Variants in JDP2 observed in about 807,000 individuals in gnomAD.
The protein encoded by JDP2 is progesterone receptor co-activator.
JDP2 carries 9 observed loss-of-function variants against 17.1 expected under a neutral mutation model. That is an observed-to-expected ratio of 0.53 (90% confidence interval 0.32 to 0.92). The LOEUF (loss-of-function observed/expected upper bound fraction) is 0.92, where lower values mean the gene tolerates loss of function less well. JDP2 is among the 40% of genes least tolerant of loss of function. The pLI is 0.04. For synonymous variants in JDP2, 107 were observed against 95.6 expected, an observed-to-expected ratio of 1.12 and a Z score of -0.69; for missense variants, 179 against 220.0, an observed-to-expected ratio of 0.81 and a Z score of 1.18.
chr14:75,437,592 A>G (rs1885126892), intron 1 of JDP2, among the ~76,000 whole-genome samples: 1 of 152,204 alleles, frequency 6.6e-6, no homozygotes, highest in Non-Finnish European at 1.5e-5. Flanking sequence ...GGACTGCAGG[A>G]TTACCATGGG....
At chr14:75,427,185 G>C (rs910606453), upstream of JDP2, 15 of 152,846 alleles carry the variant, frequency 9.8e-5, no homozygotes, top group African/African-American at 3.1e-4. This position sits in a 1 kb window ranked among gnomAD's most constrained non-coding sequence, Gnocchi z 4.4. Flanking sequence ...AAGGCCACTT[G>C]GGGTCTGCTG....
rs1566747282 is a variant in JDP2 at position 75,461,495 on chromosome 14, A to C, written c.271A>C (p.Asn91His). ...KNKVAAARCR[N>H]KKKERTEFLQ... Reference sequence around the variant, plus strand: ...CAAAGTCGCAGCAGCCCGATGCCGGAACAAGAAGAAGGAGCGCACGGAGTT... The same window carrying C: ...CAAAGTCGCAGCAGCCCGATGCCGGCACAAGAAGAAGGAGCGCACGGAGTT... Residue 91 changes from asparagine (N) to histidine (H), a missense_variant, in exon 3 of 4, where the codon AAC becomes CAC. Asn to His is a moderately conservative substitution (Grantham distance 68). Coordinates refer to ENST00000651602, the MANE Select transcript of JDP2 (RefSeq NM_001135048.2). The C allele has an allele frequency of 5.6e-6, 9 of 1,609,594 alleles. No homozygotes were observed. Among genetic ancestry groups the C allele is most frequent in the Admixed American group, 3.4e-5 (2 of 59,472 alleles).
chr14:75,450,568 G>A (rs1885804417), intron 2 of JDP2, among the ~76,000 whole-genome samples: 1 of 152,214 alleles, frequency 6.6e-6, no homozygotes, highest in Admixed American at 6.5e-5. Context: ...TTCACCTGGT[G>A]GTTGGCTGAG....
chr14:75,463,914 T>C (rs10450931), intron 3 of JDP2, among the ~76,000 whole-genome samples: 68,861 of 151,952 alleles, frequency 0.45, 15,730 homozygotes, highest in East Asian at 0.55. Flanking sequence ...TCATGGAGAG[T>C]CACTGAAGGG....
chr14:75,447,216 C>G (rs952579449), intron 2 of JDP2, among the ~76,000 whole-genome samples: 26 of 152,198 alleles, frequency 1.7e-4, no homozygotes, highest in African/African-American at 5.8e-4. Flanking sequence ...CCTGGTAATC[C>G]AGTTAAGAAA....
At chr14:75,432,873 C>A (rs978953156) in intron 1 of JDP2, among the ~76,000 whole-genome samples, 1 of 152,040 alleles carries the variant, frequency 6.6e-6, no homozygotes, top group Admixed American at 6.6e-5. Context: ...ACCCATAAAA[C>A]AAGACTGTTA....
intron 3 of JDP2, among the ~76,000 whole-genome samples, chr14:75,462,068 T>C (rs1174416926): frequency 6.6e-6 from 1 of 152,252 alleles, no homozygotes; most frequent in Non-Finnish European, 1.5e-5. Flanking sequence ...TCTTTGCTGC[T>C]ACCTCTGGGA....
rs1886707491 is a variant in JDP2, at chr14:75,469,285, T to A, written c.307-5T>A. 1 of 1,613,102 alleles carries A rather than the reference T, an allele frequency of 6.2e-7. No homozygotes were observed. The highest frequency in any genetic ancestry group is 1.1e-5 in the South Asian group (1 of 90,920). Reference sequence around the variant, plus strand: ...CTCACAGCGTGCTTCTGTGTTGGTATACAGGAATCCGAGCGGCTGGAACTC... The same window carrying A: ...CTCACAGCGTGCTTCTGTGTTGGTAAACAGGAATCCGAGCGGCTGGAACTC... On this transcript the variant is annotated splice_polypyrimidine_tract_variant and splice_region_variant and intron_variant, in intron 3 of 3. Transcript: ENST00000651602.
At chr14:75,431,640 T>C (rs1429402204) in intron 1 of JDP2, among the ~76,000 whole-genome samples, 1 of 152,250 alleles carries the variant, frequency 6.6e-6, no homozygotes, top group Non-Finnish European at 1.5e-5. Flanking sequence ...CTGCACCTTC[T>C]ACCCAGCCCT....
chr14:75,445,103 A>G, intron 2 of JDP2: 1 of 985,380 alleles, frequency 1.0e-6, no homozygotes, highest in Non-Finnish European at 1.2e-6. Context: ...CACCGGCAAC[A>G]TGGACTCAGA....
At chr14:75,451,700 A>T (rs1269336186) in intron 2 of JDP2, among the ~76,000 whole-genome samples, 1 of 152,174 alleles carries the variant, frequency 6.6e-6, no homozygotes, top group African/African-American at 2.4e-5. Context: ...GGTCCAGGGC[A>T]TGGAAAATTC....
chr14:75,450,035 C>T (rs1229596937), intron 2 of JDP2, among the ~76,000 whole-genome samples: 2 of 152,142 alleles, frequency 1.3e-5, no homozygotes, highest in African/African-American at 4.8e-5. Context: ...CACACCTCGG[C>T]GGCCTGTTGT....
At chr14:75,438,212 G>A in intron 2 of JDP2, 91 bp downstream of exon 2, 1 of 1,028,936 alleles carries the variant, frequency 9.7e-7, no homozygotes, top group Non-Finnish European at 1.4e-6. Context: ...GTGGTCTGAG[G>A]ACCAGTATCA....
intron 2 of JDP2, among the ~76,000 whole-genome samples, chr14:75,453,598 C>T (rs1885968289): frequency 6.6e-6 from 1 of 152,234 alleles, no homozygotes; most frequent in African/African-American, 2.4e-5. Context: ...GGAACTCAGT[C>T]CTCATTACTA....
At chr14:75,454,227 A>G (rs1818060136) in intron 2 of JDP2, among the ~76,000 whole-genome samples, 1 of 152,140 alleles carries the variant, frequency 6.6e-6, no homozygotes, top group Admixed American at 6.5e-5. Flanking sequence ...AAATTGTGCA[A>G]TAACGTTTTT....
Position 75,471,212 on chromosome 14 carries a change from C to A in JDP2, c.*1737C>A, listed in dbSNP as rs530995201. The A allele has an allele frequency of 1.3e-5, 2 of 152,344 alleles. No individual in the cohort carries two copies. The highest frequency in any genetic ancestry group is 3.9e-4 in the East Asian group (2 of 5,184). The allele number at this position is 152,344 out of a possible 1,614,324, so 9.4% of individuals were successfully genotyped here. A position where few individuals can be genotyped will look rare whatever the true frequency, so the allele number is the denominator to read the frequency against. ...CCATGATCACAGAGTGAACCAACTA[C>A]CCTGGTCAATGTGTGTCTGACCCAG... is the stretch of plus-strand genomic sequence containing the variant. On this transcript the variant is annotated 3_prime_UTR_variant, in exon 4 of 4. Coordinates refer to ENST00000651602, the MANE Select transcript of JDP2 (RefSeq NM_001135048.2).
At chr14:75,437,833 G>A in intron 1 of JDP2, 65 bp from the exon 2 acceptor site, 1 of 1,127,886 alleles carries the variant, frequency 8.9e-7, no homozygotes, top group Non-Finnish European at 1.2e-6. Flanking sequence ...GCAAGACGAG[G>A]GACTTGAGCC....
At position 75,438,018 on chromosome 14, in the gene JDP2, A is replaced by C; in HGVS notation, c.98A>C (p.Glu33Ala). 1 of 1,613,922 alleles carries C rather than the reference A, an allele frequency of 6.2e-7. No individual in the cohort carries two copies. The highest frequency in any genetic ancestry group is 1.3e-5 in the African/African-American group (1 of 75,058). Reference sequence around the variant, plus strand: ...CTCCCCAGCTCGGCCCTGACTGTGGAGGAGCTGAAATACGCTGACATCCGC... The same window carrying C: ...CTCCCCAGCTCGGCCCTGACTGTGGCGGAGCTGAAATACGCTGACATCCGC... Reference protein sequence around the residue: ...TGLPSSALTVEELKYADIRNL... With the variant: ...TGLPSSALTVAELKYADIRNL... The change falls in exon 2 of 4, where the codon GAG becomes GCG. Residue 33 changes from glutamate to alanine, a missense_variant. Physicochemically the swap from Glu to Ala is moderately radical, Grantham distance 107 (BLOSUM62 -1). Transcript: ENST00000651602.
intron 2 of JDP2, among the ~76,000 whole-genome samples, chr14:75,447,043 G>A (rs1407703952): frequency 6.6e-6 from 1 of 152,140 alleles, no homozygotes; most frequent in Non-Finnish European, 1.5e-5. Context: ...CAATCTGATA[G>A]GATTTAATAT....
Sources: allele counts gnomAD v4.1 joint callset (sites outside exome capture counted in the v4.1 genomes callset), GRCh38; gene constraint gnomAD v4.1.1; non-coding constraint Gnocchi (gnomAD v3.1); transcripts MANE v1.5; gene names NCBI Gene and HGNC (gene_info 2026-07-23, HGNC 2026-07-21).